BCAT2: variants seen among roughly 807,000 people sequenced by gnomAD.
BCAT2 encodes the protein branched-chain-amino-acid aminotransferase, mitochondrial.
BCAT2 carries 44 observed loss-of-function variants against 52.9 expected under a neutral mutation model. That is an observed-to-expected ratio of 0.83 (90% CI 0.65 to 1.07). BCAT2 has a LOEUF of 1.07. BCAT2 is among the 50% of genes least tolerant of loss of function. The pLI is 0.00. For missense variants in BCAT2, 478 were observed against 521.8 expected (o/e 0.92, Z 0.82); for synonymous variants, 215 against 217.1 (o/e 0.99, Z 0.08).
rs967753930 is a variant in BCAT2 at position 48,795,542 on chromosome 19, A to C, written c.1141-78T>G. ...GTAGGCCCTGGGGTGTTCCAGGCCG[A>C]GTGCCTACGGAGCTGTGCCCCAGCG... On this transcript the variant is annotated intron_variant, in intron 10 of 10. Transcript: ENST00000316273. 9 of 1,544,534 alleles carry C rather than the reference A, an allele frequency of 5.8e-6. No individual in the cohort carries two copies. In the African/African-American group the frequency reaches 1.2e-4, roughly 21 times the overall value.
Position 48,797,207 on chromosome 19 carries a change from C to T in BCAT2, c.822G>A (p.Trp274Ter). ...TGGGCTTACCCCCATCTTCGTGGGT[C>T]CAGTAGACAAAGATGTTCATGGTTC... The part of the protein sequence containing the change: ...EVGTMNIFVY[W>*]THEDGVLELV... The change falls in exon 7 of 11, where the codon TGG becomes TGA. Residue 274 changes from tryptophan (W) to a stop codon, truncating the protein, a stop_gained. Coordinates refer to ENST00000316273, the MANE Select transcript of BCAT2 (RefSeq NM_001190.4). LOFTEE classifies it high-confidence loss of function. 6.2e-7 allele frequency: 1 copy of T among 1,613,842 alleles called. No homozygotes were observed. The highest frequency in any genetic ancestry group is 8.5e-7 in the Non-Finnish European group (1 of 1,179,888).
chr19:48,808,440 CAA>C (rs1418279099), intron 1 of BCAT2: 25 of 219,872 alleles, frequency 1.1e-4, no homozygotes, highest in Admixed American at 5.3e-4. Context: ...CGCCAAGAAA[CAA>C]GAGATGCCAA....
chr19:48,802,441 CTT>C (rs35775607), intron 3 of BCAT2, among the ~76,000 whole-genome samples: 4,956 of 86,750 alleles, frequency 0.057, 45 homozygotes, highest in Middle Eastern at 0.096. Flanking sequence ...TACTGGATTC[CTT>C]TTTTTTTTTT....
At chr19:48,804,853 G>C (rs1411582625) in intron 3 of BCAT2, among the ~76,000 whole-genome samples, 1 of 152,194 alleles carries the variant, frequency 6.6e-6, no homozygotes, top group Non-Finnish European at 1.5e-5. Flanking sequence ...TCAGCAGGCG[G>C]AATCCTGCCC....
intron 1 of BCAT2, 171 bp downstream of exon 1, chr19:48,810,813 T>G: frequency 7.5e-7 from 1 of 1,333,712 alleles, no homozygotes; most frequent in Non-Finnish European, 9.7e-7. Flanking sequence ...CCTCACCCCA[T>G]TAAAGCCTCG....
At chr19:48,806,178 C>T (rs1454244074) in intron 3 of BCAT2, among the ~76,000 whole-genome samples, 1 of 147,294 alleles carries the variant, frequency 6.8e-6, no homozygotes, top group Non-Finnish European at 1.5e-5. Flanking sequence ...CCATCCCCCT[C>T]TAAGCTTCCC....
At chr19:48,795,648 G>A (rs185680605) in intron 10 of BCAT2, among the ~76,000 whole-genome samples, 184 bp from the exon 11 acceptor site, 15 of 152,256 alleles carry the variant, frequency 9.9e-5, no homozygotes, top group African/African-American at 2.6e-4. Context: ...CGGCGCAGAG[G>A]CTTCCGGGAG....
chr19:48,799,919 AC>A lies in BCAT2; in HGVS notation c.531+61del. ...CCCAGGCCCAGGCCTCCAGGACCCC[AC>A]CCCTGCCCTGCAGAATCCAACCCCC... On this transcript the variant is annotated intron_variant, in intron 5 of 10. Transcript: ENST00000316273. The surrounding 1 kb of genome is among the most constrained non-coding windows in gnomAD (Gnocchi z 5.5). The A allele has an allele frequency of 6.2e-7, 1 of 1,603,664 alleles. No homozygotes were observed. Among genetic ancestry groups the A allele is most frequent in the Non-Finnish European group, 8.5e-7 (1 of 1,174,994 alleles).
chr19:48,802,329 G>A (rs901547018), intron 3 of BCAT2, among the ~76,000 whole-genome samples: 4 of 151,630 alleles, frequency 2.6e-5, no homozygotes, highest in African/African-American at 9.7e-5. Context: ...GTGGCGATAC[G>A]TATCAAGATT....
chr19:48,810,809 C>T (rs2034905024), intron 1 of BCAT2, 175 bp downstream of exon 1: 7 of 1,444,434 alleles, frequency 4.8e-6, no homozygotes, highest in East Asian at 2.9e-5. Flanking sequence ...TCCCCCTCAC[C>T]CCATTAAAGC....
Position 48,797,032 on chromosome 19 carries a change from G to A in BCAT2, c.839-10C>T. 1.2e-6 allele frequency: 2 copies of A among 1,614,116 alleles called. No homozygotes were observed. Among genetic ancestry groups the A allele is most frequent in the Non-Finnish European group, 1.7e-6 (2 of 1,179,956 alleles). On this transcript the variant is annotated splice_polypyrimidine_tract_variant and intron_variant, in intron 7 of 10. Transcript: ENST00000316273. ...GTCACCAGCTCCAGCACTAGGGCAG[G>A]TGTAAGGGGTGGAAGATGTTACCTC...
chr19:48,807,180 C>T lies in BCAT2; in HGVS notation c.25-106G>A. 2.1e-6 allele frequency: 2 copies of T among 956,782 alleles called. No homozygotes were observed. Among genetic ancestry groups the T allele is most frequent in the Non-Finnish European group, 3.2e-6 (2 of 634,692 alleles). 59.3% of individuals were successfully genotyped at this position (956,782 alleles called of 1,614,324 possible). On this transcript the variant is annotated intron_variant, in intron 1 of 10. Coordinates refer to ENST00000316273, the MANE Select transcript of BCAT2 (RefSeq NM_001190.4). This position sits in a 1 kb window ranked among gnomAD's most constrained non-coding sequence, Gnocchi z 4.6. Reference sequence around the variant, plus strand: ...TGGAGGTCCCACTGGCCTGCCTGTTCTGTCCCAGTTTCAGTCCATTCTAGA... The same window carrying T: ...TGGAGGTCCCACTGGCCTGCCTGTTTTGTCCCAGTTTCAGTCCATTCTAGA...
At chr19:48,808,368 GA>G in intron 1 of BCAT2, 1 of 544,826 alleles carries the variant, frequency 1.8e-6, no homozygotes, top group Non-Finnish European at 2.3e-6. Context: ...GGAAGGATGA[GA>G]AAAAGAAACA....
chr19:48,807,110 G>A lies in BCAT2; in HGVS notation c.25-36C>T. 1 of 1,568,496 alleles carries A rather than the reference G, an allele frequency of 6.4e-7. No homozygotes were observed. The highest frequency in any genetic ancestry group is 1.4e-5 in the African/African-American group (1 of 74,050). On this transcript the variant is annotated intron_variant, in intron 1 of 10. Transcript: ENST00000316273. The surrounding 1 kb of genome is among the most constrained non-coding windows in gnomAD (Gnocchi z 4.6). The stretch of plus-strand genomic sequence containing the variant: ...AAAGAAGTGAGAGAGGGGGTGAGTG[G>A]GGCACAGCAGGGGCCCTGGCAGCTC...
Position 48,800,196 on chromosome 19 carries a change from C to T in BCAT2, c.402G>A (p.Leu134=). Residue 134 remains leucine (L), a synonymous_variant, in exon 4 of 11, where the codon CTG becomes CTA. Transcript: ENST00000316273. ...GACCGGGACCCCTCACCGGCAGGCA[C>T]AGGCGCATGGCTGAGCGCAGCATCC... ...MDRMLRSAMR[L]CLPSFDKLEL... The T allele has an allele frequency of 6.2e-7, 1 of 1,613,550 alleles. No individual in the cohort carries two copies. Among genetic ancestry groups the T allele is most frequent in the Non-Finnish European group, 8.5e-7 (1 of 1,179,924 alleles).
At position 48,799,977 on chromosome 19, in the gene BCAT2, C is replaced by G. The variant is rs201078371; in HGVS notation, c.531+4G>C. On this transcript the variant is annotated splice_donor_region_variant and intron_variant, in intron 5 of 10. Transcript: ENST00000316273. The surrounding 1 kb of genome is among the most constrained non-coding windows in gnomAD (Gnocchi z 5.5). ...CAGCTTCCCAGCCCTGGAGTTGGGC[C>G]CACCTCGTTCCCAATGAGCACAGGC... The G allele has an allele frequency of 1.9e-6, 3 of 1,612,820 alleles. No individual in the cohort carries two copies. The highest frequency in any genetic ancestry group is 2.5e-6 in the Non-Finnish European group (3 of 1,179,178).
At chr19:48,797,679 A>C (rs1599794123) in intron 6 of BCAT2, 1 of 270,610 alleles carries the variant, frequency 3.7e-6, no homozygotes, top group Non-Finnish European at 7.1e-6. Flanking sequence ...GCCTCTCTTG[A>C]CCTGGTGATC....
Position 48,797,173 on chromosome 19 carries a change from G to A in BCAT2, c.838+18C>T, listed in dbSNP as rs1327244509. On this transcript the variant is annotated intron_variant, in intron 7 of 10. Transcript: ENST00000316273. ...CCCACTTCCACCAGGGTTCGGGCTG[G>A]GTCATGGGTGGGCTTACCCCCATCT... 1 of 1,613,270 alleles carries A rather than the reference G, an allele frequency of 6.2e-7. No homozygotes were observed. The highest frequency in any genetic ancestry group is 1.1e-5 in the South Asian group (1 of 90,866).
At chr19:48,801,796 C>T (rs35321803) in intron 3 of BCAT2, among the ~76,000 whole-genome samples, 3,856 of 152,122 alleles carry the variant, frequency 0.025, 73 homozygotes, top group Middle Eastern at 0.041. Context: ...ACAACCACGC[C>T]CGGCTAATTT....
Sources: allele counts gnomAD v4.1 joint callset (sites outside exome capture counted in the v4.1 genomes callset), GRCh38; gene constraint gnomAD v4.1.1; non-coding constraint Gnocchi (gnomAD v3.1); transcripts MANE v1.5; gene names NCBI Gene and HGNC (gene_info 2026-07-23, HGNC 2026-07-21).